Variants in DDX10 observed in about 807,000 individuals in gnomAD.
DDX10 encodes probable ATP-dependent RNA helicase DDX10.
DDX10 carries 74 observed loss-of-function variants against 104.3 expected under a neutral mutation model. The observed-to-expected ratio is 0.71, with a 90% CI of 0.59 to 0.86. DDX10 has a LOEUF of 0.86. Ranked by LOEUF, DDX10 falls within the 40% of genes least tolerant of loss-of-function variation. The pLI is 0.00. For missense variants in DDX10, 952 were observed against 1,040.0 expected (o/e 0.92, Z 1.16); for synonymous variants, 351 against 353.4 (o/e 0.99, Z 0.08).
At chr11:108,791,829 T>C (rs1037502275) in intron 13 of DDX10, among the ~76,000 whole-genome samples, 1 of 152,216 alleles carries the variant, frequency 6.6e-6, no homozygotes, top group Non-Finnish European at 1.5e-5. Flanking sequence ...AGTTATATGA[T>C]AGTTAGTGTT....
intron 15 of DDX10, among the ~76,000 whole-genome samples, chr11:108,851,051 C>G (rs1470811051): frequency 2.6e-5 from 4 of 152,060 alleles, no homozygotes; most frequent in Non-Finnish European, 5.9e-5. Flanking sequence ...TGCTAATGGA[C>G]AAAGAAATTT....
chr11:108,775,565 A>G (rs1228292346), intron 13 of DDX10, among the ~76,000 whole-genome samples: 1 of 152,244 alleles, frequency 6.6e-6, no homozygotes, highest in African/African-American at 2.4e-5. Context: ...TAGCTCAGGT[A>G]GCATGTGAGA....
chr11:108,835,539 A>G (rs968716285), intron 13 of DDX10, among the ~76,000 whole-genome samples: 1 of 152,254 alleles, frequency 6.6e-6, no homozygotes, highest in East Asian at 1.9e-4. Context: ...GACAAAACGC[A>G]CAAAATAACA....
chr11:108,907,803 G>A (rs1460319757), intron 16 of DDX10, among the ~76,000 whole-genome samples: 1 of 152,114 alleles, frequency 6.6e-6, no homozygotes, highest in Non-Finnish European at 1.5e-5. Flanking sequence ...TATGCCAAAG[G>A]ATCAAGTATA....
intron 6 of DDX10, among the ~76,000 whole-genome samples, chr11:108,681,155 C>A (rs1053527379): frequency 1.3e-5 from 2 of 151,900 alleles, no homozygotes; most frequent in Non-Finnish European, 2.9e-5. Flanking sequence ...GTCTCTAAGA[C>A]CTTTCATAAT....
intron 16 of DDX10, among the ~76,000 whole-genome samples, chr11:108,862,528 C>T (rs999593566): frequency 2.0e-4 from 30 of 152,198 alleles, no homozygotes; most frequent in African/African-American, 6.8e-4. Context: ...TATTCAAATA[C>T]ACATTTCTTT....
chr11:108,913,980 A>G (rs1230813316), intron 16 of DDX10, among the ~76,000 whole-genome samples: 3 of 152,184 alleles, frequency 2.0e-5, no homozygotes, highest in African/African-American at 7.2e-5. Context: ...CGCACAGACA[A>G]TATGGTATAG....
intron 15 of DDX10, among the ~76,000 whole-genome samples, chr11:108,844,473 A>G (rs1862686364): frequency 6.6e-6 from 1 of 152,218 alleles, no homozygotes; most frequent in African/African-American, 2.4e-5. Context: ...GGGCACTCAA[A>G]TCATTTATGC....
chr11:108,735,206 T>C (rs2094316892), intron 13 of DDX10, among the ~76,000 whole-genome samples: 1 of 152,236 alleles, frequency 6.6e-6, no homozygotes, highest in Non-Finnish European at 1.5e-5. Context: ...CGAAGCTTTG[T>C]TCTTTACCAT....
intron 13 of DDX10, chr11:108,730,176 G>T (rs2094310297): frequency 6.6e-6 from 1 of 152,232 alleles, no homozygotes; most frequent in African/African-American, 2.4e-5. Context: ...ATTTCAGTCA[G>T]TAAATTCTGT....
chr11:108,756,434 C>A (rs1193525003), intron 13 of DDX10, among the ~76,000 whole-genome samples: 4 of 151,984 alleles, frequency 2.6e-5, no homozygotes, highest in Non-Finnish European at 5.9e-5. Flanking sequence ...CTGAATAGAT[C>A]AGAGCTAAAT....
chr11:108,770,261 C>G (rs907937195), intron 13 of DDX10, among the ~76,000 whole-genome samples: 1 of 151,858 alleles, frequency 6.6e-6, no homozygotes, highest in Non-Finnish European at 1.5e-5. Context: ...CTATCTAGCC[C>G]CTGAAGCATT....
chr11:108,922,743 T>C (rs1448209443), intron 17 of DDX10, among the ~76,000 whole-genome samples: 2 of 152,260 alleles, frequency 1.3e-5, no homozygotes, highest in African/African-American at 4.8e-5. Flanking sequence ...TTAGTTAGCA[T>C]GACTAAAAGA....
chr11:108,665,072 T>C lies in DDX10; in HGVS notation c.-82T>C. 1 of 1,420,186 alleles carries C rather than the reference T, an allele frequency of 7.0e-7. No individual in the cohort carries two copies. The highest frequency in any genetic ancestry group is 9.2e-7 in the Non-Finnish European group (1 of 1,084,930). The allele number at this position is 1,420,186 out of a possible 1,614,324, so 88.0% of individuals were successfully genotyped here. On this transcript the variant is annotated 5_prime_UTR_variant, in exon 1 of 18. Transcript: ENST00000322536. ...GAGTTCGCGCATGCGCCTCTGTGCG[T>C]TTGTCCCATGCTGGTTCCGTGAGTC...
intron 13 of DDX10, among the ~76,000 whole-genome samples, chr11:108,778,092 T>A (rs1173568756): frequency 1.3e-5 from 2 of 151,656 alleles, no homozygotes; most frequent in Admixed American, 6.6e-5. Context: ...ATAGGAAGAG[T>A]CAATATTGTG....
intron 16 of DDX10, among the ~76,000 whole-genome samples, chr11:108,868,681 T>C (rs905141942): frequency 6.6e-6 from 1 of 152,078 alleles, no homozygotes; most frequent in African/African-American, 2.4e-5. Context: ...TGTGGTTATA[T>C]TCCAAATGTT....
At chr11:108,670,606 G>A (rs1216470963) in intron 1 of DDX10, among the ~76,000 whole-genome samples, 2 of 152,108 alleles carry the variant, frequency 1.3e-5, no homozygotes, top group African/African-American at 4.8e-5. Flanking sequence ...ACAGCAGGAG[G>A]GTGGTGTATT....
chr11:108,843,543 A>G (rs1477244194), intron 15 of DDX10, among the ~76,000 whole-genome samples: 1 of 152,038 alleles, frequency 6.6e-6, no homozygotes. Context: ...GTGGATCACG[A>G]GGTCAGGAGT....
intron 7 of DDX10, chr11:108,690,306 T>G (rs2094250409): frequency 6.5e-6 from 1 of 152,800 alleles, no homozygotes; most frequent in South Asian, 2.1e-4. Context: ...GCATCAAAGG[T>G]GGCCTTGGCA....
Sources: allele counts gnomAD v4.1 joint callset (sites outside exome capture counted in the v4.1 genomes callset), GRCh38; gene constraint gnomAD v4.1.1; transcripts MANE v1.5; gene names NCBI Gene and HGNC (gene_info 2026-07-23, HGNC 2026-07-21).